Variants in SHROOM3 observed in about 807,000 individuals in gnomAD.
SHROOM3 encodes the protein shroom family member 3.
SHROOM3 carries 47 observed loss-of-function variants against 138.6 expected under a neutral mutation model. The observed-to-expected ratio is 0.34, with a 90% CI of 0.27 to 0.43. The LOEUF is 0.43. SHROOM3 is among the 20% of genes least tolerant of loss of function. The pLI is 1.00. For missense variants in SHROOM3, 2,491 were observed against 2,596.5 expected (o/e 0.96, Z 0.88); for synonymous variants, 1,062 against 1,063.3 (o/e 1.00, Z 0.02).
At chr4:76,483,244 CTATT>C (rs1731655152) in intron 1 of SHROOM3, among the ~76,000 whole-genome samples, 1 of 152,110 alleles carries the variant, frequency 6.6e-6, no homozygotes, top group African/African-American at 2.4e-5. Context: ...TTTTTGCAAT[CTATT>C]TATCTGACAA....
chr4:76,524,545 T>C (rs1416662639), intron 1 of SHROOM3, among the ~76,000 whole-genome samples: 3 of 152,208 alleles, frequency 2.0e-5, no homozygotes, highest in African/African-American at 7.2e-5. Flanking sequence ...CAGGGATCAG[T>C]ATCCTGCCTT....
intron 2 of SHROOM3, among the ~76,000 whole-genome samples, chr4:76,561,995 G>C (rs2110033182): frequency 1.3e-5 from 2 of 152,080 alleles, no homozygotes; most frequent in Middle Eastern, 6.8e-3. Context: ...TGGGCAACAA[G>C]AGCGAAACTC....
intron 1 of SHROOM3, among the ~76,000 whole-genome samples, chr4:76,543,692 T>C (rs528568966): frequency 1.3e-5 from 2 of 152,200 alleles, no homozygotes; most frequent in Non-Finnish European, 2.9e-5. Flanking sequence ...GAAAGGAAAC[T>C]CTGAAGGATC....
chr4:76,441,086 G>GTTT (rs374530154), intron 1 of SHROOM3, among the ~76,000 whole-genome samples: 1,009 of 82,138 alleles, frequency 0.012, 154 homozygotes, highest in South Asian at 0.04. Flanking sequence ...AGTTCAATTT[G>GTTT]TTTTTTTTTT....
At chr4:76,735,870 T>A (rs936853270) in intron 4 of SHROOM3, among the ~76,000 whole-genome samples, 75 of 15,048 alleles carry the variant, frequency 5.0e-3, no homozygotes, top group East Asian at 0.019. Flanking sequence ...AAAAAAAAAA[T>A]ATATATATAT....
chr4:76,778,788 C>T lies in SHROOM3; in HGVS notation c.5623-21C>T, dbSNP rs1477282676. On this transcript the variant is annotated intron_variant, in intron 10 of 10. Transcript: ENST00000296043. ...CTCCCTTTCCCTGGCCTTCATTGAT[C>T]TGTCCAATTTTCCCTGGCAGAGCTC... 5 of 1,610,490 alleles carry T rather than the reference C, an allele frequency of 3.1e-6. 1 individual carries two copies. In the South Asian group the frequency reaches 4.4e-5, roughly 14 times the overall value.
At chr4:76,500,306 G>A (rs930698072) in intron 1 of SHROOM3, among the ~76,000 whole-genome samples, 3 of 152,286 alleles carry the variant, frequency 2.0e-5, no homozygotes, top group African/African-American at 4.8e-5. Flanking sequence ...TGCCAGGGCT[G>A]TATCCCTTTG....
intron 2 of SHROOM3, among the ~76,000 whole-genome samples, chr4:76,615,811 G>A (rs1275028425): frequency 6.6e-6 from 1 of 152,206 alleles, no homozygotes; most frequent in Non-Finnish European, 1.5e-5. Context: ...CAGGATCAAA[G>A]AATCCTCAGT....
chr4:76,662,779 G>A (rs1718565680), intron 2 of SHROOM3, among the ~76,000 whole-genome samples: 1 of 152,178 alleles, frequency 6.6e-6, no homozygotes, highest in African/African-American at 2.4e-5. Context: ...CTACTTGAGA[G>A]GCTGAGGCAG....
intron 1 of SHROOM3, chr4:76,509,678 G>T (rs1057502349): frequency 1.3e-5 from 2 of 152,262 alleles, no homozygotes; most frequent in Non-Finnish European, 2.9e-5. Flanking sequence ...TCTGGCACTG[G>T]GTTCCTTGTG....
At chr4:76,474,734 GT>G (rs1731447500) in intron 1 of SHROOM3, among the ~76,000 whole-genome samples, 1 of 151,672 alleles carries the variant, frequency 6.6e-6, no homozygotes, top group Non-Finnish European at 1.5e-5. Context: ...GGTCAACATG[GT>G]AAAACCCATC....
chr4:76,706,129 T>C (rs1310158282), intron 2 of SHROOM3, among the ~76,000 whole-genome samples: 2 of 152,306 alleles, frequency 1.3e-5, no homozygotes, highest in South Asian at 2.1e-4. Flanking sequence ...GTTTTGTTTT[T>C]TGTTTGTTTT....
At chr4:76,648,985 A>AT (rs5859525) in intron 2 of SHROOM3, among the ~76,000 whole-genome samples, 47,490 of 152,032 alleles carry the variant, frequency 0.31, 7,562 homozygotes, top group East Asian at 0.43. Context: ...GGAGGACAAA[A>AT]TTTTTTAAGA....
chr4:76,644,769 C>T (rs28657707), intron 2 of SHROOM3, among the ~76,000 whole-genome samples: 50,423 of 152,026 alleles, frequency 0.33, 8,614 homozygotes, highest in East Asian at 0.51. Flanking sequence ...TCTGGATTCA[C>T]GTTCTTTTGC....
chr4:76,777,344 A>T (rs1292835041), intron 10 of SHROOM3, among the ~76,000 whole-genome samples: 1 of 151,836 alleles, frequency 6.6e-6, no homozygotes, highest in Non-Finnish European at 1.5e-5. Flanking sequence ...TAAGTATTTT[A>T]TTTTTTTGCA....
chr4:76,465,568 C>T (rs1731233935), intron 1 of SHROOM3, among the ~76,000 whole-genome samples: 2 of 152,172 alleles, frequency 1.3e-5, no homozygotes, highest in Admixed American at 1.3e-4. Flanking sequence ...TCCTGGCTTT[C>T]TCTCTCCCCT....
chr4:76,501,352 A>G (rs1045397606), intron 1 of SHROOM3, among the ~76,000 whole-genome samples: 5 of 152,178 alleles, frequency 3.3e-5, no homozygotes, highest in African/African-American at 7.2e-5. Flanking sequence ...AAATACACAT[A>G]TTGCTCTCGG....
chr4:76,488,132 G>A (rs969530029), intron 1 of SHROOM3, among the ~76,000 whole-genome samples: 1 of 152,146 alleles, frequency 6.6e-6, no homozygotes, highest in African/African-American at 2.4e-5. Flanking sequence ...GATAAAAAGA[G>A]TGTATAGTAT....
chr4:76,522,488 G>C, intron 1 of SHROOM3, among the ~76,000 whole-genome samples: 1 of 152,012 alleles, frequency 6.6e-6, no homozygotes, highest in Admixed American at 6.6e-5. Flanking sequence ...TCTAAGCTCT[G>C]ACCAGGTTGC....
Sources: allele counts gnomAD v4.1 joint callset (sites outside exome capture counted in the v4.1 genomes callset), GRCh38; gene constraint gnomAD v4.1.1; transcripts MANE v1.5; gene names NCBI Gene and HGNC (gene_info 2026-07-23, HGNC 2026-07-21).